The following OSBPL6 variants were observed in gnomAD, a reference collection of about 807,000 sequenced individuals.
OSBPL6 encodes oxysterol-binding protein-related protein 6.
Under a neutral mutation model 125.8 loss-of-function variants are expected in OSBPL6, and 49 were observed. The observed-to-expected ratio is 0.39, with a 90% CI of 0.31 to 0.49. The LOEUF (loss-of-function observed/expected upper bound fraction) is 0.49, where lower values mean the gene tolerates loss of function less well. Ranked by LOEUF, OSBPL6 falls within the 20% of genes least tolerant of loss-of-function variation. The probability of loss-of-function intolerance (pLI) is 0.88; values close to 1 mark genes in which losing one functional copy is unlikely to be tolerated. For missense variants in OSBPL6, 986 were observed against 1,135.4 expected, an observed-to-expected ratio of 0.87 and a Z score of 1.89; for synonymous variants, 394 against 391.8, an observed-to-expected ratio of 1.01 and a Z score of -0.07.
chr2:178,339,800 C>T, intron 11 of OSBPL6, 36 bp downstream of exon 11: 1 of 1,509,324 alleles, frequency 6.6e-7, no homozygotes, highest in Non-Finnish European at 9.0e-7. Flanking sequence ...CACGTTTCTA[C>T]ATATTTTTAA....
At chr2:178,294,634 C>G (rs1397596008) in intron 2 of OSBPL6, among the ~76,000 whole-genome samples, 8 of 151,280 alleles carry the variant, frequency 5.3e-5, no homozygotes, top group Non-Finnish European at 8.8e-5. Flanking sequence ...AGCTGTTCCT[C>G]AATTTATGAT....
At chr2:178,379,332 AAGGGAGGG>A (rs146298293) in intron 15 of OSBPL6, among the ~76,000 whole-genome samples, 2,392 of 125,900 alleles carry the variant, frequency 0.019, 90 homozygotes, top group African/African-American at 0.066. Flanking sequence ...GAAGGAAAGG[AAGGGAGGG>A]AGGGAGGGAG....
In OSBPL6 at chr2:178,249,827, GTTT is replaced by G. The variant is rs34986231; in HGVS notation, c.-350-35084_-350-35082del. Among the ~76,000 whole-genome samples, 339 of 119,486 alleles carry G rather than the reference GTTT, an allele frequency of 2.8e-3. 4 individuals are homozygous for G. The highest frequency in any genetic ancestry group is 0.01 in the African/African-American group (328 of 32,364). 78.4% of individuals were successfully genotyped at this position (119,486 alleles called of 152,430 possible). A position where few individuals can be genotyped will look rare whatever the true frequency, so the allele number is the denominator to read the frequency against. ...TATTATAAAATCCCTAACTAGAAGT[GTTT>G]TTTTTTTTTTTTTTTGGAATCTTAT... On this transcript the variant is annotated intron_variant, in intron 1 of 24. Coordinates refer to ENST00000190611, the MANE Select transcript of OSBPL6 (RefSeq NM_032523.4).
intron 14 of OSBPL6, among the ~76,000 whole-genome samples, chr2:178,373,674 C>T (rs1291648398): frequency 6.6e-6 from 1 of 152,178 alleles, no homozygotes; most frequent in African/African-American, 2.4e-5. Flanking sequence ...AAAATCAAGG[C>T]ACAGTACCAA....
chr2:178,241,273 C>A (rs1053383100), intron 1 of OSBPL6, among the ~76,000 whole-genome samples: 4 of 151,938 alleles, frequency 2.6e-5, no homozygotes. Flanking sequence ...GCCACCACGC[C>A]CAGCTAATTT....
chr2:178,351,050 A>G (rs940326736), intron 12 of OSBPL6, among the ~76,000 whole-genome samples: 10 of 152,204 alleles, frequency 6.6e-5, no homozygotes, highest in Non-Finnish European at 4.4e-5. Flanking sequence ...TCTTGATAAA[A>G]AAAACACTCT....
chr2:178,299,499 G>A (rs73030654), intron 2 of OSBPL6, among the ~76,000 whole-genome samples: 2,366 of 151,574 alleles, frequency 0.016, 62 homozygotes, highest in African/African-American at 0.053. Flanking sequence ...TCTTCCAGAT[G>A]AACTTACTTT....
chr2:178,350,107 G>A (rs535988155), intron 12 of OSBPL6, among the ~76,000 whole-genome samples: 1 of 152,274 alleles, frequency 6.6e-6, no homozygotes, highest in African/African-American at 2.4e-5. Context: ...CAGATTTGAG[G>A]GGAAATTGAT....
At chr2:178,279,696 G>A (rs561825018) in intron 1 of OSBPL6, among the ~76,000 whole-genome samples, 1 of 152,140 alleles carries the variant, frequency 6.6e-6, no homozygotes, top group Non-Finnish European at 1.5e-5. Context: ...GCCAATTTTG[G>A]TTATACTTTT....
intron 3 of OSBPL6, among the ~76,000 whole-genome samples, chr2:178,309,286 T>C (rs1687052088): frequency 6.6e-5 from 10 of 152,212 alleles, no homozygotes; most frequent in Admixed American, 6.5e-4. Flanking sequence ...TCTCCTCATC[T>C]GTATTGTGAG....
At chr2:178,361,545 G>C (rs1158852973) in intron 12 of OSBPL6, 137 bp from the exon 13 acceptor site, 3 of 945,712 alleles carry the variant, frequency 3.2e-6, no homozygotes, top group Admixed American at 5.0e-5. Context: ...CCTTTTGAAG[G>C]CTGATTTTTA....
At chr2:178,198,974 G>C (rs940766013) in intron 1 of OSBPL6, among the ~76,000 whole-genome samples, 3 of 152,192 alleles carry the variant, frequency 2.0e-5, no homozygotes, top group African/African-American at 7.2e-5. Flanking sequence ...GTCTAACTCA[G>C]TTGGCCTTGG....
intron 13 of OSBPL6, 136 bp from the exon 14 acceptor site, chr2:178,371,990 T>G: frequency 1.8e-6 from 1 of 557,346 alleles, no homozygotes. Context: ...GCTGGTAGGG[T>G]CTGGCTCATG....
chr2:178,255,293 G>C (rs1191529664), intron 1 of OSBPL6, among the ~76,000 whole-genome samples: 1 of 152,242 alleles, frequency 6.6e-6, no homozygotes, highest in South Asian at 2.1e-4. Context: ...ACGCAACAGG[G>C]CGAGACTCCG....
intron 1 of OSBPL6, among the ~76,000 whole-genome samples, chr2:178,221,728 T>C (rs1379201001): frequency 1.3e-5 from 2 of 152,196 alleles, no homozygotes; most frequent in East Asian, 1.9e-4. Context: ...CACAGGATAA[T>C]TGACTCAGTC....
intron 1 of OSBPL6, among the ~76,000 whole-genome samples, chr2:178,236,480 T>A (rs570874783): frequency 3.9e-5 from 6 of 152,286 alleles, no homozygotes; most frequent in Admixed American, 1.3e-4. Flanking sequence ...ACAGCGTTGG[T>A]TTCTGTGTGG....
intron 10 of OSBPL6, 52 bp downstream of exon 10, chr2:178,339,146 C>G (rs1161082896): frequency 8.8e-7 from 1 of 1,139,848 alleles, no homozygotes; most frequent in Non-Finnish European, 1.3e-6. Context: ...AATTAATACT[C>G]TTTATTGGGT....
intron 3 of OSBPL6, among the ~76,000 whole-genome samples, chr2:178,317,488 TATTC>T (rs1219364977): frequency 2.0e-4 from 18 of 90,088 alleles, no homozygotes; most frequent in South Asian, 2.9e-4. Flanking sequence ...ATAGAATAAT[TATTC>T]ATTCATTCAG....
chr2:178,395,313 C>T (rs1695761694), intron 24 of OSBPL6, 138 bp from the exon 25 acceptor site: 1 of 555,764 alleles, frequency 1.8e-6, no homozygotes. Context: ...ATAGTCACAT[C>T]ATCAGTAGCT....
Sources: allele counts gnomAD v4.1 joint callset (sites outside exome capture counted in the v4.1 genomes callset), GRCh38; gene constraint gnomAD v4.1.1; transcripts MANE v1.5; gene names NCBI Gene and HGNC (gene_info 2026-07-23, HGNC 2026-07-21).